Variants in FMN1 observed in about 807,000 individuals in gnomAD.
FMN1 encodes the protein formin 1.
In FMN1, 110 loss-of-function variants were observed where a neutral mutation model predicts 132.4. The observed-to-expected ratio is 0.83, with a 90% CI of 0.71 to 0.97. The LOEUF (loss-of-function observed/expected upper bound fraction) is 0.97, where lower values mean the gene tolerates loss of function less well. Among genes scored for constraint, FMN1 ranks in the 50% least tolerant of loss-of-function variants. The pLI, the probability that FMN1 is intolerant of heterozygous loss-of-function variation, is 0.00. For missense variants in FMN1, 1,792 were observed against 1,705.3 expected (o/e 1.05, Z -0.90); for synonymous variants, 722 against 651.7 (o/e 1.11, Z -1.64).
At chr15:33,080,555 C>G (rs964137481) in intron 5 of FMN1, among the ~76,000 whole-genome samples, 48 of 152,222 alleles carry the variant, frequency 3.2e-4, no homozygotes, top group African/African-American at 9.6e-4. Context: ...GAGTTCAAGA[C>G]CAGCCTGGCC....
chr15:33,157,625 T>C (rs1180413495), intron 3 of FMN1, among the ~76,000 whole-genome samples: 1 of 152,172 alleles, frequency 6.6e-6, no homozygotes, highest in Non-Finnish European at 1.5e-5. Flanking sequence ...TTTTTTGTTG[T>C]TTTCTGTTTT....
intron 12 of FMN1, among the ~76,000 whole-genome samples, chr15:32,906,754 T>C (rs2060434884): frequency 6.6e-6 from 1 of 152,180 alleles, no homozygotes; most frequent in Admixed American, 6.5e-5. Context: ...GGAAATAAAC[T>C]ATAGGATCAG....
intron 8 of FMN1, among the ~76,000 whole-genome samples, chr15:32,966,720 T>G (rs561986730): frequency 6.6e-6 from 1 of 152,346 alleles, no homozygotes; most frequent in African/African-American, 2.4e-5. Context: ...ACATTTTGTT[T>G]CTGGCTTCCC....
intron 18 of FMN1, among the ~76,000 whole-genome samples, chr15:32,801,462 C>T (rs1392863514): frequency 6.6e-6 from 1 of 152,034 alleles, no homozygotes; most frequent in Non-Finnish European, 1.5e-5. Context: ...AAGATAAAGT[C>T]GCTTCAAGAA....
At chr15:33,151,231 A>G in intron 4 of FMN1, 3 of 1,535,486 alleles carry the variant, frequency 2.0e-6, no homozygotes, top group Non-Finnish European at 2.6e-6. Context: ...TCCACAGTAG[A>G]GAAGTTACCC....
At chr15:33,078,685 ATGTTAACATAGGAG>A (rs2038323657) in intron 5 of FMN1, among the ~76,000 whole-genome samples, 1 of 151,938 alleles carries the variant, frequency 6.6e-6, no homozygotes, top group South Asian at 2.1e-4. Flanking sequence ...CCAGAACTTT[ATGTTAACATAGGAG>A]TGTTCACAAA....
At chr15:32,985,680 TC>T (rs1274231972) in intron 7 of FMN1, among the ~76,000 whole-genome samples, 2 of 152,128 alleles carry the variant, frequency 1.3e-5, no homozygotes, top group Admixed American at 1.3e-4. Flanking sequence ...GTGACTACAT[TC>T]TTTTCAACAA....
intron 16 of FMN1, among the ~76,000 whole-genome samples, chr15:32,881,850 C>T (rs762067588): frequency 3.9e-5 from 6 of 152,148 alleles, no homozygotes; most frequent in Non-Finnish European, 7.4e-5. Flanking sequence ...CATCAGGAGC[C>T]CAATACATCT....
chr15:33,183,682 A>G (rs752290497), intron 2 of FMN1, among the ~76,000 whole-genome samples: 4 of 152,214 alleles, frequency 2.6e-5, no homozygotes, highest in Non-Finnish European at 5.9e-5. Context: ...AAAGTACAAA[A>G]ATAGCATACC....
In FMN1 at chr15:32,982,226, AG is replaced by A. The variant is rs2032734680; in HGVS notation, c.2224-12750del. Reference sequence around the variant, plus strand: ...CACGCCTATTAGGAGGAGGGAGGAGAGGGAGGAGTGAGAGAAGAAAACAGAC... The same window carrying A: ...CACGCCTATTAGGAGGAGGGAGGAGAGGAGGAGTGAGAGAAGAAAACAGAC... On this transcript the variant is annotated intron_variant, in intron 7 of 20. Transcript: ENST00000616417. Among the ~76,000 whole-genome samples, 3 of 152,268 alleles carry A rather than the reference AG, an allele frequency of 2.0e-5. 1 individual carries two copies. In the South Asian group the frequency reaches 6.2e-4, roughly 32 times the overall value.
In FMN1 at chr15:33,088,808, C is replaced by G. The variant is rs1284237959; in HGVS notation, c.2034G>C (p.Leu678Phe). 15 of 1,535,310 alleles carry G rather than the reference C, an allele frequency of 9.8e-6. No individual in the cohort carries two copies. The highest frequency in any genetic ancestry group is 1.3e-5 in the Non-Finnish European group (15 of 1,146,556). The part of the protein sequence containing the change: ...REKSNRSELY[L>F]DLHPDHSLTE... ...CAAGATTTCTACTTACATGGAGATCCAAGTACAATTCGCTCCTGTTTGACT... is the reference window on the plus strand; with the variant it reads ...CAAGATTTCTACTTACATGGAGATCGAAGTACAATTCGCTCCTGTTTGACT... The change falls in exon 5 of 21, where the codon TTG becomes TTC. Residue 678 changes from leucine (L) to phenylalanine (F), a missense_variant. By Grantham distance (22) the Leu-to-Phe change is conservative. Transcript: ENST00000616417.
chr15:32,971,619 A>G (rs1279920034), intron 7 of FMN1, among the ~76,000 whole-genome samples: 1 of 152,202 alleles, frequency 6.6e-6, no homozygotes, highest in Non-Finnish European at 1.5e-5. Flanking sequence ...TTCTGTCACA[A>G]CAAACTAACT....
intron 2 of FMN1, among the ~76,000 whole-genome samples, chr15:33,185,590 T>TTTTTTTTTTTTCC (rs1965855944): frequency 7.5e-6 from 1 of 133,242 alleles, no homozygotes; most frequent in Admixed American, 7.4e-5. Context: ...TTTTTTTTTT[T>TTTTTTTTTTTTCC]ACACAGAGTT....
Position 33,153,666 on chromosome 15 carries a change from C to G in FMN1, c.1249G>C (p.Val417Leu). The G allele has an allele frequency of 6.5e-7, 1 of 1,536,362 alleles. No individual in the cohort carries two copies. The highest frequency in any genetic ancestry group is 8.7e-7 in the Non-Finnish European group (1 of 1,146,970). Residue 417 changes from valine (V) to leucine (L), a missense_variant, in exon 4 of 21, where the codon GTG becomes CTG. Physicochemically the swap from Val to Leu is conservative, Grantham distance 32. Coordinates refer to ENST00000616417, the MANE Select transcript of FMN1 (RefSeq NM_001277313.2). ...SSVSASAEGA[V>L]NKVPLKVIES... ...ATCACCTTCAGGGGGACCTTGTTCA[C>G]GGCCCCCTCGGCACTGGCCGACACA...
chr15:32,956,405 T>C (rs2061770010), intron 9 of FMN1, among the ~76,000 whole-genome samples: 1 of 152,056 alleles, frequency 6.6e-6, no homozygotes, highest in Admixed American at 6.6e-5. Flanking sequence ...AACGTACAAC[T>C]TCTGGGGCTG....
chr15:33,159,895 A>G (rs1026010150), intron 3 of FMN1, among the ~76,000 whole-genome samples: 4 of 152,238 alleles, frequency 2.6e-5, no homozygotes, highest in Admixed American at 2.6e-4. Flanking sequence ...TGTAGTCCCA[A>G]GATGTATGGG....
chr15:33,074,629 G>A (rs534634510), intron 5 of FMN1, among the ~76,000 whole-genome samples: 1 of 152,172 alleles, frequency 6.6e-6, no homozygotes, highest in Non-Finnish European at 1.5e-5. Flanking sequence ...AAGGAGAAAG[G>A]CTGGGACATC....
In FMN1 at chr15:33,066,991, A is replaced by T. The variant is rs754767298; in HGVS notation, c.2044-1917T>A. On this transcript the variant is annotated intron_variant, in intron 5 of 20. Coordinates refer to ENST00000616417, the MANE Select transcript of FMN1 (RefSeq NM_001277313.2). ...AAGCTAAGTCCCCATCCTTTGGTTT[A>T]ATTTCCGTGATGGTCTCTCCTCCCT... 82 of 1,613,916 alleles carry T rather than the reference A, an allele frequency of 5.1e-5. 1 individual carries two copies. The Middle Eastern group carries it at 3.6e-3, about 71-fold the overall frequency.
At chr15:32,961,136 CT>C (rs759322803) in intron 9 of FMN1, among the ~76,000 whole-genome samples, 1,441 of 139,564 alleles carry the variant, frequency 0.01, 3 homozygotes, top group Non-Finnish European at 0.012. Context: ...TATTGTTCAT[CT>C]TTTTTTTTTT....
Sources: gnomAD v4.1 joint callset for allele counts (sites outside exome capture counted in the v4.1 genomes callset) on GRCh38, gnomAD v4.1.1 for gene constraint, MANE v1.5 for transcripts, NCBI Gene and HGNC (gene_info 2026-07-23, HGNC 2026-07-21) for gene names.